STK38: variants seen among roughly 807,000 people sequenced by gnomAD.
The protein encoded by STK38 is serine/threonine-protein kinase 38.
A neutral mutation model predicts 59.0 loss-of-function variants in STK38; 26 were observed. The observed-to-expected ratio is 0.44, with a 90% CI of 0.32 to 0.61. The LOEUF (loss-of-function observed/expected upper bound fraction) is 0.61. Ranked by LOEUF, STK38 falls within the 20% of genes least tolerant of loss-of-function variation. The pLI is 0.04. For missense variants in STK38, 433 were observed against 566.0 expected (o/e 0.76, Z 2.38); for synonymous variants, 175 against 176.6 (o/e 0.99, Z 0.07).
Position 36,498,369 on chromosome 6 carries a change from A to G in STK38, c.1070T>C (p.Ile357Thr). The change falls in exon 11 of 14, where the codon ATT (isoleucine) becomes ACT (threonine). Residue 357 changes from isoleucine to threonine, a missense_variant. Ile to Thr is a moderately conservative substitution (Grantham distance 89). Transcript: ENST00000229812. ...GAGGGATGTTCTCTAATACCTCAAA[A>G]TTAGATCCTTGGCTTTCTCAGAGAT... ...VPISEKAKDLILRFCCEWEHR... is the reference protein window; with the variant it reads ...VPISEKAKDLTLRFCCEWEHR... 1 of 1,612,704 alleles carries G rather than the reference A, an allele frequency of 6.2e-7. No homozygotes were observed. Among genetic ancestry groups the G allele is most frequent in the Non-Finnish European group, 8.5e-7 (1 of 1,179,646 alleles).
At chr6:36,498,589 CTTTT>C (rs374274208) in intron 10 of STK38, 103 bp from the exon 11 acceptor site, 1,603 of 931,138 alleles carry the variant, frequency 1.7e-3, no homozygotes, top group East Asian at 3.3e-3. Context: ...TTTCTTTTTT[CTTTT>C]TTTTTTTTTT....
chr6:36,502,984 C>T (rs1364521702), intron 9 of STK38, among the ~76,000 whole-genome samples: 1 of 152,124 alleles, frequency 6.6e-6, no homozygotes, highest in African/African-American at 2.4e-5. Flanking sequence ...TATTCTATTC[C>T]AGAATGTAAC....
Position 36,546,587 on chromosome 6 carries a change from C to T in STK38, c.-6+603G>A, listed in dbSNP as rs114249181. Among the ~76,000 whole-genome samples, 879 of 152,282 alleles carry T rather than the reference C, an allele frequency of 5.8e-3. 8 individuals are homozygous for T. Among genetic ancestry groups the T allele is most frequent in the African/African-American group, 0.02 (835 of 41,550 alleles). On this transcript the variant is annotated intron_variant, in intron 1 of 13. Coordinates refer to ENST00000229812, the MANE Select transcript of STK38 (RefSeq NM_007271.4). ...TCTGGTCTCTCTGCCGGCCGTTCTG[C>T]CCGCTTTCTGACACAGACTTTCCTC...
intron 6 of STK38, 122 bp from the exon 7 acceptor site, chr6:36,515,614 G>A: frequency 1.3e-6 from 2 of 1,513,144 alleles, no homozygotes; most frequent in Non-Finnish European, 1.8e-6. Flanking sequence ...AAATAAGGCG[G>A]CTAAACAGAC....
chr6:36,533,386 C>CT (rs1481543125), intron 2 of STK38, among the ~76,000 whole-genome samples: 1 of 152,214 alleles, frequency 6.6e-6, no homozygotes, highest in Non-Finnish European at 1.5e-5. Context: ...TCTTAAATAT[C>CT]TAACATTCTC....
At chr6:36,516,346 A>G (rs1041894956) in intron 6 of STK38, among the ~76,000 whole-genome samples, 2 of 152,238 alleles carry the variant, frequency 1.3e-5, no homozygotes, top group Non-Finnish European at 2.9e-5. Context: ...GAAAATATGT[A>G]TAAGGAGTTT....
intron 4 of STK38, among the ~76,000 whole-genome samples, chr6:36,523,158 C>T (rs529120841): frequency 6.6e-6 from 1 of 152,058 alleles, no homozygotes; most frequent in East Asian, 1.9e-4. Context: ...TGGTACTATA[C>T]TTTTCCCTCT....
Position 36,495,878 on chromosome 6 carries a change from T to C in STK38, c.1304A>G (p.Asn435Ser), listed in dbSNP as rs781083563. Residue 435 changes from asparagine to serine, a missense_variant, in exon 14 of 14, where the codon AAC becomes AGC. Asn to Ser is a conservative substitution (Grantham distance 46). Transcript: ENST00000229812. ...TSNHPETDYK[N>S]KDWVFINYTY... Reference sequence around the variant, plus strand: ...GTAATTGATGAAGACCCAGTCTTTGTTCTTGTAGTCAGTCTCAGGATGATT... The same window carrying C: ...GTAATTGATGAAGACCCAGTCTTTGCTCTTGTAGTCAGTCTCAGGATGATT... The C allele has an allele frequency of 4.2e-5, 67 of 1,613,944 alleles. No individual in the cohort carries two copies. The highest frequency in any genetic ancestry group is 5.1e-5 in the Non-Finnish European group (60 of 1,179,978).
chr6:36,520,728 T>C (rs542934843), intron 5 of STK38, among the ~76,000 whole-genome samples: 40 of 152,262 alleles, frequency 2.6e-4, no homozygotes, highest in African/African-American at 8.4e-4. Flanking sequence ...GCCCAGGTAT[T>C]TGATACTCCC....
intron 9 of STK38, 72 bp downstream of exon 9, chr6:36,506,511 A>T: frequency 3.3e-6 from 5 of 1,515,340 alleles, no homozygotes; most frequent in Non-Finnish European, 4.5e-6. Context: ...TCAAATGCAA[A>T]TTTATGTGAA....
At chr6:36,510,508 G>C (rs537111685) in intron 7 of STK38, among the ~76,000 whole-genome samples, 2 of 152,178 alleles carry the variant, frequency 1.3e-5, no homozygotes, top group Non-Finnish European at 2.9e-5. Context: ...TGGGAGGGCA[G>C]GGCTCCCGCT....
chr6:36,515,789 G>T (rs968469234), intron 6 of STK38, among the ~76,000 whole-genome samples: 48 of 152,270 alleles, frequency 3.2e-4, no homozygotes, highest in Non-Finnish European at 4.4e-5. Flanking sequence ...ATTTGCTTAG[G>T]ATAATTTTTT....
intron 9 of STK38, among the ~76,000 whole-genome samples, chr6:36,504,025 T>C (rs945183415): frequency 7.9e-5 from 12 of 152,214 alleles, no homozygotes; most frequent in African/African-American, 2.9e-4. Context: ...TCAATGAAAA[T>C]TGCTATCTGG....
chr6:36,496,251 C>T (rs1776702249), intron 13 of STK38, among the ~76,000 whole-genome samples: 1 of 151,966 alleles, frequency 6.6e-6, no homozygotes, highest in Non-Finnish European at 1.5e-5. Context: ...ACCATGTTGG[C>T]CAGGATGGTC....
Position 36,547,466 on chromosome 6 carries a change from C to A in STK38, c.-282G>T, listed in dbSNP as rs1363689753. 6.6e-6 allele frequency: 1 copy of A among 152,194 alleles called. No individual in the cohort carries two copies. The highest frequency in any genetic ancestry group is 2.1e-4 in the South Asian group (1 of 4,836). 9.4% of individuals were successfully genotyped at this position (152,194 alleles called of 1,614,324 possible). A position where few individuals can be genotyped will look rare whatever the true frequency, so the allele number is the denominator to read the frequency against. On this transcript the variant is annotated 5_prime_UTR_variant, in exon 1 of 14. Coordinates refer to ENST00000229812, the MANE Select transcript of STK38 (RefSeq NM_007271.4). ...GACGGGCTGGCGCGGCAGCCCGGGG[C>A]CGAGACTACGCATGCGCGACTTCCC...
intron 1 of STK38, among the ~76,000 whole-genome samples, chr6:36,545,239 G>C (rs1778030450): frequency 7.3e-6 from 1 of 137,538 alleles, no homozygotes; most frequent in South Asian, 2.3e-4. Flanking sequence ...GTTGCAGTGA[G>C]CCAAGATCAC....
At chr6:36,543,221 C>G (rs1263864047) in intron 1 of STK38, among the ~76,000 whole-genome samples, 1 of 151,684 alleles carries the variant, frequency 6.6e-6, no homozygotes, top group Admixed American at 6.6e-5. Flanking sequence ...CCCGCCACCA[C>G]GCCCGGCTAA....
intron 2 of STK38, among the ~76,000 whole-genome samples, chr6:36,533,724 A>C (rs116497266): frequency 0.058 from 8,769 of 152,328 alleles, 342 homozygotes; most frequent in South Asian, 0.14. Flanking sequence ...GACTACTACT[A>C]AACAAGTGGC....
In STK38 at chr6:36,536,927, A is replaced by G. The variant is rs562559852; in HGVS notation, c.131+3145T>C. 3.3e-5 allele frequency among the ~76,000 whole-genome samples: 5 copies of G among 152,096 alleles called. No individual in the cohort carries two copies. In the East Asian group the frequency reaches 9.6e-4, roughly 29 times the overall value. ...CATTAAAAAAAAAATGCCAAATTTTATTTCATCAATATTTAAAACCTCTGC... is the reference window on the plus strand; with the variant it reads ...CATTAAAAAAAAAATGCCAAATTTTGTTTCATCAATATTTAAAACCTCTGC... On this transcript the variant is annotated intron_variant, in intron 2 of 13. Transcript: ENST00000229812.
Sources: gnomAD v4.1 joint callset for allele counts (sites outside exome capture counted in the v4.1 genomes callset) on GRCh38, gnomAD v4.1.1 for gene constraint, MANE v1.5 for transcripts, NCBI Gene and HGNC (gene_info 2026-07-23, HGNC 2026-07-21) for gene names.